LPP: variants seen among roughly 807,000 people sequenced by gnomAD.
LPP encodes LIM domain containing preferred translocation partner in lipoma, also known as lipoma-preferred partner.
Under a neutral mutation model 60.4 loss-of-function variants are expected in LPP, and 38 were observed. The observed-to-expected ratio is 0.63, with a 90% confidence interval of 0.49 to 0.83. The LOEUF is 0.83. LPP is among the 40% of genes least tolerant of loss of function. The pLI is 0.00. For missense variants in LPP, 902 were observed against 783.6 expected (o/e 1.15, Z -1.80); for synonymous variants, 328 against 290.8 (o/e 1.13, Z -1.30).
At chr3:188,710,568 A>G (rs1866431849) in intron 8 of LPP, 1 of 152,236 alleles carries the variant, frequency 6.6e-6, no homozygotes, top group African/African-American at 2.4e-5. Flanking sequence ...GAAGGTTTCT[A>G]GTTACATCAA....
intron 4 of LPP, among the ~76,000 whole-genome samples, chr3:188,479,434 T>A (rs937714890): frequency 3.9e-5 from 6 of 152,228 alleles, no homozygotes; most frequent in Non-Finnish European, 8.8e-5. Flanking sequence ...CTGCGTTTGA[T>A]CTAGGTTCCC....
chr3:188,737,907 T>G (rs1167493881), intron 8 of LPP, among the ~76,000 whole-genome samples: 1 of 152,204 alleles, frequency 6.6e-6, no homozygotes. Flanking sequence ...CTCCTCTTTC[T>G]CAGCTCTATT....
Position 188,679,219 on chromosome 3 carries a change from G to A in LPP, c.1114-29048G>A, listed in dbSNP as rs1200992563. On this transcript the variant is annotated intron_variant, in intron 7 of 11. Transcript: ENST00000617246. The stretch of plus-strand genomic sequence containing the variant: ...CATAGGCACCTTGGATTCCACAATT[G>A]TAAAATGGACATCACTGGAAAGCCT... 2.0e-5 allele frequency among the ~76,000 whole-genome samples: 3 copies of A among 152,136 alleles called. No homozygotes were observed. In the East Asian group the frequency reaches 5.8e-4, roughly 29 times the overall value.
At chr3:188,314,960 G>C (rs1754611330) in intron 2 of LPP, among the ~76,000 whole-genome samples, 1 of 151,984 alleles carries the variant, frequency 6.6e-6, no homozygotes, top group Non-Finnish European at 1.5e-5. Flanking sequence ...TTTTTGGAGT[G>C]AAGAACGGAG....
At chr3:188,224,968 C>T (rs1717197070) in intron 1 of LPP, among the ~76,000 whole-genome samples, 1 of 152,168 alleles carries the variant, frequency 6.6e-6, no homozygotes, top group African/African-American at 2.4e-5. Flanking sequence ...GTTTATCCCT[C>T]TGCTGCTCAC....
chr3:188,844,073 A>G (rs1760836077), intron 9 of LPP, among the ~76,000 whole-genome samples: 1 of 152,170 alleles, frequency 6.6e-6, no homozygotes, highest in Non-Finnish European at 1.5e-5. Context: ...TGCAAAGCTG[A>G]TTATGGATGG....
In LPP at chr3:188,781,891, C is replaced by CA. The variant is rs1302969471; in HGVS notation, c.1410+21627dup. On this transcript the variant is annotated intron_variant, in intron 9 of 11. Transcript: ENST00000617246. ...TGGGCGACAGAGCAAGACTCCGTCT[C>CA]AAAAAAAAAAAAAAAAAATCTATCA... Among the ~76,000 whole-genome samples, 695 of 79,158 alleles carry CA rather than the reference C, an allele frequency of 8.8e-3. 4 individuals carry two copies. The highest frequency in any genetic ancestry group is 0.031 in the Middle Eastern group (4 of 128). The allele number at this position is 79,158 out of a possible 152,430, so 51.9% of individuals were successfully genotyped here.
intron 2 of LPP, among the ~76,000 whole-genome samples, chr3:188,312,581 C>T (rs947736671): frequency 6.6e-6 from 1 of 152,046 alleles, no homozygotes; most frequent in East Asian, 1.9e-4. Context: ...CTAGTTATTT[C>T]TTCTGCTCTT....
chr3:188,377,980 CT>C (rs1775687225), intron 3 of LPP, among the ~76,000 whole-genome samples: 1 of 152,200 alleles, frequency 6.6e-6, no homozygotes, highest in Non-Finnish European at 1.5e-5. Flanking sequence ...ACTCCAGTCC[CT>C]GTTTGTCTAA....
At chr3:188,842,481 C>CATTTTGTTT (rs1760283496) in intron 9 of LPP, among the ~76,000 whole-genome samples, 1 of 151,976 alleles carries the variant, frequency 6.6e-6, no homozygotes, top group South Asian at 2.1e-4. Context: ...TTTTTGTCTT[C>CATTTTGTTT]ATTTTGTTTG....
intron 6 of LPP, among the ~76,000 whole-genome samples, chr3:188,570,223 A>G (rs542058501): frequency 2.3e-4 from 35 of 152,122 alleles, no homozygotes; most frequent in African/African-American, 7.7e-4. Flanking sequence ...CTGAGACCCT[A>G]CCCTGGAGTT....
At chr3:188,187,605 T>C (rs548247240) in intron 1 of LPP, among the ~76,000 whole-genome samples, 30 of 152,230 alleles carry the variant, frequency 2.0e-4, no homozygotes, top group Non-Finnish European at 3.8e-4. Flanking sequence ...CTGTGTGTCT[T>C]CTTCAAGTTC....
intron 4 of LPP, among the ~76,000 whole-genome samples, chr3:188,442,844 T>C (rs1013253747): frequency 3.3e-5 from 5 of 152,204 alleles, no homozygotes; most frequent in Non-Finnish European, 5.9e-5. Context: ...GGGTTTCGTC[T>C]TGAGAATGTC....
At chr3:188,375,641 C>G (rs1241573781) in intron 3 of LPP, among the ~76,000 whole-genome samples, 2 of 151,780 alleles carry the variant, frequency 1.3e-5, no homozygotes, top group Non-Finnish European at 2.9e-5. Context: ...TTTTGTTTAT[C>G]TTTTAAAAAA....
intron 6 of LPP, among the ~76,000 whole-genome samples, chr3:188,527,131 G>T (rs6444301): frequency 0.99 from 151,329 of 152,206 alleles, 75,232 homozygotes; most frequent in Middle Eastern, 1. Flanking sequence ...TGAAGGCTTG[G>T]AGTAGAATAT....
At chr3:188,272,658 G>T (rs1738215830) in intron 2 of LPP, among the ~76,000 whole-genome samples, 1 of 152,124 alleles carries the variant, frequency 6.6e-6, no homozygotes. Context: ...CAGGATGCTG[G>T]GGTTCTGTGA....
chr3:188,794,801 C>A (rs1446973458), intron 9 of LPP, among the ~76,000 whole-genome samples: 1 of 151,984 alleles, frequency 6.6e-6, no homozygotes, highest in Admixed American at 6.6e-5. Flanking sequence ...CGGGAACCTA[C>A]AGAAACCATG....
chr3:188,495,575 T>C (rs1809947372), intron 5 of LPP, among the ~76,000 whole-genome samples: 1 of 152,176 alleles, frequency 6.6e-6, no homozygotes, highest in East Asian at 1.9e-4. Context: ...TCGTCAATAA[T>C]ATATGTTGAT....
chr3:188,720,825 A>C (rs934797170), intron 8 of LPP, among the ~76,000 whole-genome samples: 3 of 152,200 alleles, frequency 2.0e-5, no homozygotes, highest in Non-Finnish European at 2.9e-5. Context: ...CTCTACTCCT[A>C]TCTGGCAGTG....
Sources: gnomAD v4.1 joint callset for allele counts (sites outside exome capture counted in the v4.1 genomes callset) on GRCh38, gnomAD v4.1.1 for gene constraint, MANE v1.5 for transcripts, NCBI Gene and HGNC (gene_info 2026-07-23, HGNC 2026-07-21) for gene names.